Variants in ULK4 observed in about 807,000 individuals in gnomAD.
ULK4 encodes the protein inactive serine/threonine-protein kinase ULK4.
In ULK4, 133 loss-of-function variants were observed where a neutral mutation model predicts 160.6. The ratio of observed to expected loss-of-function variants is 0.83; its 90% CI spans 0.72 to 0.96. ULK4 has a LOEUF of 0.96. Ranked by LOEUF, ULK4 falls within the 40% of genes least tolerant of loss-of-function variation. The pLI, the probability that ULK4 is intolerant of heterozygous loss-of-function variation, is 0.00. For synonymous variants in ULK4, 534 were observed against 539.8 expected, an observed-to-expected ratio of 0.99 and a Z score of 0.15; for missense variants, 1,580 against 1,499.5, an observed-to-expected ratio of 1.05 and a Z score of -0.89.
chr3:41,305,254 CTT>C (rs758785594), intron 35 of ULK4, among the ~76,000 whole-genome samples: 17 of 151,334 alleles, frequency 1.1e-4, no homozygotes, highest in South Asian at 4.2e-4. Context: ...CTCTCCCTCT[CTT>C]TCCACAGTCT....
At chr3:41,293,683 A>G (rs79582636) in intron 35 of ULK4, among the ~76,000 whole-genome samples, 48 of 152,294 alleles carry the variant, frequency 3.2e-4, no homozygotes, top group African/African-American at 1.1e-3. Flanking sequence ...TGTTTCCTCA[A>G]TGGTAAAATA....
Position 41,609,508 on chromosome 3 carries a change from G to A in ULK4, c.3120+6161C>T, listed in dbSNP as rs116841145. 1.8e-4 allele frequency among the ~76,000 whole-genome samples: 27 copies of A among 152,220 alleles called. No individual in the cohort carries two copies. In the East Asian group the frequency reaches 4.8e-3, roughly 27 times the overall value. On this transcript the variant is annotated intron_variant, in intron 31 of 36. Coordinates refer to ENST00000301831, the MANE Select transcript of ULK4 (RefSeq NM_017886.4). ...TTTAATGGTGGTATATGTTAGCAGC[G>A]TATAAAGTCATCTTTGTATACAACA...
chr3:41,412,553 A>ATTTTTTTTTTTTTTTTTTTTTTTTTTT (rs57224854), intron 34 of ULK4, among the ~76,000 whole-genome samples: 16 of 100,432 alleles, frequency 1.6e-4, no homozygotes, highest in African/African-American at 2.1e-4. Flanking sequence ...ATGCAGTTGA[A>ATTTTTTTTTTTTTTTTTTTTTTTTTTT]TTTTTTTTTT....
intron 34 of ULK4, among the ~76,000 whole-genome samples, chr3:41,398,814 T>C (rs1435567257): frequency 6.6e-6 from 1 of 152,120 alleles, no homozygotes; most frequent in African/African-American, 2.4e-5. Flanking sequence ...ATTTTATTTT[T>C]ATTGCCACAT....
At chr3:41,907,313 A>G (rs372128226) in intron 12 of ULK4, among the ~76,000 whole-genome samples, 2 of 126,196 alleles carry the variant, frequency 1.6e-5, no homozygotes, top group Non-Finnish European at 3.6e-5. Context: ...TTTTTTTTTT[A>G]AAGAGGTGGG....
chr3:41,913,221 CTTTTTTTTT>C (rs562065017), intron 8 of ULK4: 4 of 99,872 alleles, frequency 4.0e-5, no homozygotes, highest in South Asian at 3.1e-4. Flanking sequence ...ATTTGAAATT[CTTTTTTTTT>C]TTTTTTTTTT....
Position 41,698,810 on chromosome 3 carries a change from T to A in ULK4, c.2781+6247A>T, listed in dbSNP as rs540287294. On this transcript the variant is annotated intron_variant, in intron 27 of 36. Transcript: ENST00000301831. ...TTATGAAGCCCCCTTTGACACAACC[T>A]ACCAGTCACCACCCAAAGGTAACCA... 3.8e-4 allele frequency among the ~76,000 whole-genome samples: 58 copies of A among 152,338 alleles called. 1 individual carries two copies. The highest frequency in any genetic ancestry group is 6.5e-4 in the Non-Finnish European group (44 of 68,028).
At chr3:41,348,064 C>T (rs2080835475) in intron 35 of ULK4, among the ~76,000 whole-genome samples, 1 of 151,636 alleles carries the variant, frequency 6.6e-6, no homozygotes, top group Non-Finnish European at 1.5e-5. Flanking sequence ...AAAAAATTAG[C>T]CAGGTGTGGT....
At chr3:41,942,546 G>A (rs879470095) in intron 2 of ULK4, among the ~76,000 whole-genome samples, 27 of 150,408 alleles carry the variant, frequency 1.8e-4, no homozygotes, top group Non-Finnish European at 2.5e-4. Context: ...GGCCGGGCGC[G>A]GTGGCTCACG....
chr3:41,411,653 G>A (rs369744816), intron 34 of ULK4, among the ~76,000 whole-genome samples: 32 of 152,074 alleles, frequency 2.1e-4, no homozygotes, highest in East Asian at 5.8e-4. Context: ...GGCTGGTCTC[G>A]AACTCCTGAT....
At chr3:41,565,939 A>C in intron 32 of ULK4, 86 bp downstream of exon 32, 1 of 928,980 alleles carries the variant, frequency 1.1e-6, no homozygotes, top group Non-Finnish European at 1.6e-6. Context: ...ATCAACTTTA[A>C]GTGGTACTTC....
At chr3:41,627,477 C>T (rs578193361) in intron 30 of ULK4, among the ~76,000 whole-genome samples, 1 of 152,302 alleles carries the variant, frequency 6.6e-6, no homozygotes, top group East Asian at 1.9e-4. Flanking sequence ...GTCTTTGAGC[C>T]CCCATCCGGC....
chr3:41,288,317 A>C (rs1329169282), intron 35 of ULK4, among the ~76,000 whole-genome samples: 5 of 152,166 alleles, frequency 3.3e-5, no homozygotes, highest in African/African-American at 1.2e-4. Context: ...AGCCCCACTA[A>C]GCACCAGGGC....
chr3:41,295,291 AAC>A lies in ULK4; in HGVS notation c.3679-45719_3679-45718del, dbSNP rs1356145150. Among the ~76,000 whole-genome samples the A allele has an allele frequency of 1.2e-4, 11 of 92,228 alleles. 3 individuals are homozygous for A. Among genetic ancestry groups the A allele is most frequent in the Non-Finnish European group, 2.1e-4 (8 of 38,384 alleles). 60.5% of individuals were successfully genotyped at this position (92,228 alleles called of 152,430 possible). On this transcript the variant is annotated intron_variant, in intron 35 of 36. Coordinates refer to ENST00000301831, the MANE Select transcript of ULK4 (RefSeq NM_017886.4). ...CAGATCTTTTACTCTCACAAAAATCAACTCAAAATGGATCACAGACCTAAATG... is the reference window on the plus strand; with the variant it reads ...CAGATCTTTTACTCTCACAAAAATCATCAAAATGGATCACAGACCTAAATG...
intron 30 of ULK4, among the ~76,000 whole-genome samples, chr3:41,645,344 C>G (rs923295493): frequency 6.6e-6 from 1 of 151,620 alleles, no homozygotes; most frequent in African/African-American, 2.4e-5. Flanking sequence ...CTATAAATTT[C>G]CCTCTACACA....
intron 35 of ULK4, among the ~76,000 whole-genome samples, chr3:41,319,445 C>A (rs1412542284): frequency 2.6e-5 from 4 of 152,176 alleles, no homozygotes; most frequent in South Asian, 4.1e-4. Flanking sequence ...TGTTTAAGTA[C>A]TGTCAATTTC....
chr3:41,738,418 T>C (rs1182242186), intron 22 of ULK4, among the ~76,000 whole-genome samples: 1 of 151,942 alleles, frequency 6.6e-6, no homozygotes, highest in African/African-American at 2.4e-5. Flanking sequence ...GTTCACTGCC[T>C]TGCCTCAAAG....
intron 30 of ULK4, among the ~76,000 whole-genome samples, chr3:41,654,976 T>C (rs971699181): frequency 2.6e-5 from 4 of 152,174 alleles, no homozygotes; most frequent in African/African-American, 9.7e-5. Flanking sequence ...CACAGGCAGC[T>C]TGAGAAGCAT....
chr3:41,646,744 T>C (rs1446732127), intron 30 of ULK4, among the ~76,000 whole-genome samples: 2 of 152,356 alleles, frequency 1.3e-5, no homozygotes, highest in South Asian at 2.1e-4. Context: ...TGGCCTGCCT[T>C]GCTAGATTAG....
Sources: gnomAD v4.1 joint callset for allele counts (sites outside exome capture counted in the v4.1 genomes callset) on GRCh38, gnomAD v4.1.1 for gene constraint, MANE v1.5 for transcripts, NCBI Gene and HGNC (gene_info 2026-07-23, HGNC 2026-07-21) for gene names.